Variants in VWF observed in about 807,000 individuals in gnomAD.
The protein encoded by VWF is von Willebrand factor.
A neutral mutation model predicts 308.6 loss-of-function variants in VWF; 176 were observed. The observed-to-expected ratio is 0.57, with a 90% CI of 0.50 to 0.65. VWF has a LOEUF of 0.65. Ranked by LOEUF, VWF falls within the 30% of genes least tolerant of loss-of-function variation. VWF has a pLI of 0.00. For synonymous variants in VWF, 1,385 were observed against 1,443.4 expected (o/e 0.96, Z 0.92); for missense variants, 3,146 against 3,648.2 (o/e 0.86, Z 3.55).
chr12:5,952,293 C>T, intron 49 of VWF, 98 bp downstream of exon 49: 1 of 1,534,276 alleles, frequency 6.5e-7, no homozygotes, highest in Non-Finnish European at 9.0e-7. Flanking sequence ...GTGCCTCAGA[C>T]ACTGAGAAAT....
intron 47 of VWF, among the ~76,000 whole-genome samples, chr12:5,955,746 CAG>C (rs1298007558): frequency 3.9e-5 from 6 of 151,998 alleles, no homozygotes; most frequent in Admixed American, 6.6e-5. Context: ...GAAAAATAGA[CAG>C]GGAATTTTAG....
chr12:6,067,279 A>C (rs989251018), intron 10 of VWF, among the ~76,000 whole-genome samples: 2 of 152,184 alleles, frequency 1.3e-5, no homozygotes, highest in African/African-American at 4.8e-5. Context: ...CATTTGTGTC[A>C]AATGTCTTGA....
At chr12:6,004,932 T>C (rs1943910542) in intron 34 of VWF, among the ~76,000 whole-genome samples, 1 of 152,166 alleles carries the variant, frequency 6.6e-6, no homozygotes, top group Admixed American at 6.6e-5. Flanking sequence ...TCAGCTTGAA[T>C]AAGTGGACAA....
Position 6,023,739 on chromosome 12 carries a change from A to G in VWF, c.3271T>C (p.Cys1091Arg). 6.2e-7 allele frequency: 1 copy of G among 1,613,704 alleles called. No homozygotes were observed. The highest frequency in any genetic ancestry group is 1.1e-5 in the South Asian group (1 of 91,008). ...LDVCIYDTCS[C>R]ESIGDCACFC... ...CAGGCGCAGTCCCCAATGGACTCACAGGAGCAGGTGTCGTAAATGCAGACA... is the reference window on the plus strand; with the variant it reads ...CAGGCGCAGTCCCCAATGGACTCACGGGAGCAGGTGTCGTAAATGCAGACA... Residue 1091 changes from cysteine (C) to arginine (R), a missense_variant, in exon 25 of 52, where the codon TGT (cysteine) becomes CGT (arginine). This residue lies in a region of VWF where 853 missense variants were observed against 1,177.8 expected (regional missense o/e 0.72). Coordinates refer to ENST00000261405, the MANE Select transcript of VWF (RefSeq NM_000552.5).
rs1363981519 is a variant in VWF, at chr12:6,013,550, G to A, written c.5551C>T (p.Leu1851Phe). The A allele has an allele frequency of 6.2e-7, 1 of 1,614,106 alleles. No individual in the cohort carries two copies. Among genetic ancestry groups the A allele is most frequent in the Non-Finnish European group, 8.5e-7 (1 of 1,179,984 alleles). ...GPAGDSNVVK[L>F]QRIEDLPTMV... ...GTAGGGAGGTCTTCGATTCGCTGGA[G>A]CTTCACCACGTTGGAGTCGCCTGCT... Residue 1851 changes from leucine to phenylalanine, a missense_variant, in exon 32 of 52, where the codon CTC becomes TTC. Coordinates refer to ENST00000261405, the MANE Select transcript of VWF (RefSeq NM_000552.5).
rs1268258446 is a variant in VWF, at chr12:6,024,483, C to A, written c.3223-696G>T. Among the ~76,000 whole-genome samples the A allele has an allele frequency of 6.6e-6, 1 of 152,226 alleles. No individual in the cohort carries two copies. On this transcript the variant is annotated intron_variant, in intron 24 of 51. Coordinates refer to ENST00000261405, the MANE Select transcript of VWF (RefSeq NM_000552.5). This position sits in a 1 kb window ranked among gnomAD's most constrained non-coding sequence, Gnocchi z 4.0. ...GTCCTCACTCTTCCAACTCAGATGC[C>A]CAGGATTTCCACCAAACCAGGGAAT...
At chr12:6,101,203 A>G (rs187569376) in intron 5 of VWF, among the ~76,000 whole-genome samples, 313 of 152,322 alleles carry the variant, frequency 2.1e-3, no homozygotes, top group African/African-American at 5.9e-3. Context: ...ATCTAAGTAG[A>G]GATGAGCTGA....
chr12:6,019,494 G>A lies in VWF; in HGVS notation c.3924C>T (p.Arg1308=), dbSNP rs765929946. 2.5e-6 allele frequency: 4 copies of A among 1,613,854 alleles called. No individual in the cohort carries two copies. The highest frequency in any genetic ancestry group is 3.4e-6 in the Non-Finnish European group (4 of 1,179,884). Reference sequence around the variant, plus strand: ...CCACGCGGACCCACTTCTGGGAGATGCGCAGCCGCTCCATCATGTCCACCA... The same window carrying A: ...CCACGCGGACCCACTTCTGGGAGATACGCAGCCGCTCCATCATGTCCACCA... ...AFVVDMMERL[R]ISQKWVRVAV... Residue 1308 remains arginine (R), a synonymous_variant, in exon 28 of 52, where the codon CGC becomes CGT. Coordinates refer to ENST00000261405, the MANE Select transcript of VWF (RefSeq NM_000552.5). This position sits in a 1 kb window ranked among gnomAD's most constrained non-coding sequence, Gnocchi z 5.8.
At chr12:6,122,697 T>A (rs1945444674) in intron 2 of VWF, 1 of 513,810 alleles carries the variant, frequency 1.9e-6, no homozygotes, top group Middle Eastern at 3.9e-4. Context: ...GTGGAAAGGG[T>A]GTTGGCCTGG....
chr12:6,089,295 A>G (rs961173594), intron 6 of VWF, among the ~76,000 whole-genome samples: 8 of 152,250 alleles, frequency 5.3e-5, no homozygotes, highest in Admixed American at 2.6e-4. Flanking sequence ...CTGAGGACAA[A>G]GCAGTCTTCT....
chr12:5,978,224 T>C (rs1016947901), intron 42 of VWF, among the ~76,000 whole-genome samples: 7 of 144,924 alleles, frequency 4.8e-5, no homozygotes, highest in Admixed American at 2.1e-4. Context: ...CCCAATGAGG[T>C]TTTTTTTTTA....
chr12:6,095,540 G>C lies in VWF; in HGVS notation c.577C>G (p.Leu193Val), dbSNP rs1282940525. The C allele has an allele frequency of 6.2e-7, 1 of 1,614,070 alleles. No homozygotes were observed. The highest frequency in any genetic ancestry group is 8.5e-7 in the Non-Finnish European group (1 of 1,180,054). Reference sequence around the variant, plus strand: ...TCACACCACTGTTCTCCACTGCTCAGAGCCCATGAGTTGGCAAAGTCATAA... The same window carrying C: ...TCACACCACTGTTCTCCACTGCTCACAGCCCATGAGTTGGCAAAGTCATAA... ...DPYDFANSWALSSGEQWCERA... is the reference protein window; with the variant it reads ...DPYDFANSWAVSSGEQWCERA... The change falls in exon 6 of 52, where the codon CTG (leucine) becomes GTG (valine). Residue 193 changes from leucine to valine, a missense_variant. By Grantham distance (32) the Leu-to-Val change is conservative. Coordinates refer to ENST00000261405, the MANE Select transcript of VWF (RefSeq NM_000552.5).
intron 16 of VWF, among the ~76,000 whole-genome samples, chr12:6,048,446 G>T (rs576958787): frequency 2.0e-5 from 3 of 151,794 alleles, no homozygotes; most frequent in Non-Finnish European, 1.5e-5. Flanking sequence ...GATTACAGGC[G>T]TGAGCCAACG....
At chr12:5,977,976 T>C (rs961292026) in intron 42 of VWF, among the ~76,000 whole-genome samples, 26 of 149,032 alleles carry the variant, frequency 1.7e-4, no homozygotes, top group African/African-American at 6.3e-4. Context: ...CCTGGGAATA[T>C]GTCTTGTTTT....
In VWF at chr12:6,013,525, G is replaced by A; in HGVS notation, c.5576C>T (p.Thr1859Ile). 6.2e-7 allele frequency: 1 copy of A among 1,614,142 alleles called. No homozygotes were observed. Among genetic ancestry groups the A allele is most frequent in the South Asian group, 1.1e-5 (1 of 91,076 alleles). The change falls in exon 32 of 52, where the codon ACC (threonine) becomes ATC (isoleucine). Residue 1859 changes from threonine to isoleucine, a missense_variant. Physicochemically the swap from Thr to Ile is moderately conservative, Grantham distance 89 (BLOSUM62 -1). Coordinates refer to ENST00000261405, the MANE Select transcript of VWF (RefSeq NM_000552.5). ...GAAGGAATTGCCCAAGGTGACCATG[G>A]TAGGGAGGTCTTCGATTCGCTGGAG... ...VKLQRIEDLP[T>I]MVTLGNSFLH...
intron 18 of VWF, among the ~76,000 whole-genome samples, chr12:6,039,363 GC>G (rs900996397): frequency 6.6e-6 from 1 of 152,050 alleles, no homozygotes; most frequent in Admixed American, 6.6e-5. Context: ...CTCTGAAAAG[GC>G]CCCATTGTCC....
intron 1 of VWF, among the ~76,000 whole-genome samples, chr12:6,123,566 A>C (rs918602841): frequency 6.6e-6 from 1 of 152,166 alleles, no homozygotes; most frequent in Non-Finnish European, 1.5e-5. Flanking sequence ...CTCTGCATCC[A>C]AACTGGCGAG....
chr12:6,058,188 T>C lies in VWF; in HGVS notation c.1534-144A>G. The C allele has an allele frequency of 1.1e-6, 1 of 943,784 alleles. No homozygotes were observed. Among genetic ancestry groups the C allele is most frequent in the Non-Finnish European group, 1.6e-6 (1 of 643,654 alleles). The allele number at this position is 943,784 out of a possible 1,614,324, so 58.5% of individuals were successfully genotyped here. A position where few individuals can be genotyped will look rare whatever the true frequency, so the allele number is the denominator to read the frequency against. On this transcript the variant is annotated intron_variant, in intron 13 of 51. Transcript: ENST00000261405. The surrounding 1 kb of genome is among the most constrained non-coding windows in gnomAD (Gnocchi z 4.9). ...AATGTAATAAAAGGCAGCTAAGCCCTAGGCTGCAAAAGGGGGGGCGGGGGA... is the reference window on the plus strand; with the variant it reads ...AATGTAATAAAAGGCAGCTAAGCCCCAGGCTGCAAAAGGGGGGGCGGGGGA...
At chr12:5,956,477 G>A (rs1167029253) in intron 47 of VWF, among the ~76,000 whole-genome samples, 1 of 151,958 alleles carries the variant, frequency 6.6e-6, no homozygotes, top group Non-Finnish European at 1.5e-5. Context: ...TGCGTGCTGA[G>A]TTTTCATTTT....
Sources: allele counts gnomAD v4.1 joint callset (sites outside exome capture counted in the v4.1 genomes callset), GRCh38; gene constraint gnomAD v4.1.1; regional missense constraint gnomAD v4.1.1; non-coding constraint Gnocchi (gnomAD v3.1); transcripts MANE v1.5; gene names NCBI Gene and HGNC (gene_info 2026-07-23, HGNC 2026-07-21).